The following CADM2 variants were observed in gnomAD, a reference collection of about 807,000 sequenced individuals.
CADM2 encodes the protein cell adhesion molecule 2.
CADM2 carries 12 observed loss-of-function variants against 49.8 expected under a neutral mutation model. That is an observed-to-expected ratio of 0.24 (90% CI 0.15 to 0.39). CADM2 has a LOEUF of 0.39. Among genes scored for constraint, CADM2 ranks in the 10% least tolerant of loss-of-function variants. CADM2 has a pLI of 1.00. For missense variants in CADM2, 378 were observed against 492.3 expected (o/e 0.77, Z 2.20); for synonymous variants, 214 against 175.4 (o/e 1.22, Z -1.74).
At chr3:85,491,269 G>A (rs1296458433) in intron 1 of CADM2, among the ~76,000 whole-genome samples, 2 of 152,140 alleles carry the variant, frequency 1.3e-5, no homozygotes, top group Middle Eastern at 3.2e-3. Context: ...TTATATGACA[G>A]CTGAGAGATA....
At chr3:85,985,699 C>A (rs993715493) in intron 8 of CADM2, among the ~76,000 whole-genome samples, 5 of 151,874 alleles carry the variant, frequency 3.3e-5, no homozygotes, top group Non-Finnish European at 7.4e-5. Flanking sequence ...TCACTATAAT[C>A]CTAAAACATT....
At chr3:85,020,794 G>C (rs917433530) in intron 1 of CADM2, among the ~76,000 whole-genome samples, 1 of 151,834 alleles carries the variant, frequency 6.6e-6, no homozygotes, top group Non-Finnish European at 1.5e-5. Context: ...GGGTGTGTGT[G>C]TGTGTGTGTC....
At chr3:85,346,296 T>C (rs912976822) in intron 1 of CADM2, among the ~76,000 whole-genome samples, 5 of 152,216 alleles carry the variant, frequency 3.3e-5, no homozygotes, top group African/African-American at 7.2e-5. Context: ...TAACTTCTTA[T>C]AGAAAATGAA....
chr3:85,834,209 G>GA (rs982652073), intron 3 of CADM2, among the ~76,000 whole-genome samples: 2 of 151,422 alleles, frequency 1.3e-5, no homozygotes, highest in African/African-American at 2.4e-5. Flanking sequence ...CTTAAAAAGA[G>GA]AAAAAAATTA....
intron 1 of CADM2, among the ~76,000 whole-genome samples, chr3:85,278,687 G>A (rs571639331): frequency 6.6e-4 from 98 of 148,178 alleles, no homozygotes; most frequent in Middle Eastern, 3.4e-3. Flanking sequence ...TTTCAGAGAC[G>A]GTGTATGAAA....
chr3:85,243,143 G>A (rs1233570179), intron 1 of CADM2, among the ~76,000 whole-genome samples: 1 of 151,638 alleles, frequency 6.6e-6, no homozygotes, highest in Non-Finnish European at 1.5e-5. Context: ...TGTATTAAAT[G>A]GAAAGTTTTC....
At chr3:85,991,645 T>C (rs1251548187) in intron 8 of CADM2, among the ~76,000 whole-genome samples, 2 of 152,088 alleles carry the variant, frequency 1.3e-5, no homozygotes, top group Admixed American at 6.5e-5. Flanking sequence ...TCTCCAACTC[T>C]AAAATTATTA....
At position 85,910,417 on chromosome 3, in the gene CADM2, T is replaced by C. The variant is rs541980482; in HGVS notation, c.530-1956T>C. On this transcript the variant is annotated intron_variant, in intron 5 of 9. Coordinates refer to ENST00000383699, the MANE Select transcript of CADM2 (RefSeq NM_001167675.2). ...AAAAGTGAAAGAACCTTATAATATT[T>C]TAAATATAAGCAAAGAATCATAAAT... is the stretch of plus-strand genomic sequence containing the variant. Among the ~76,000 whole-genome samples the C allele has an allele frequency of 2.0e-5, 3 of 152,222 alleles. No homozygotes were observed. In the South Asian group the frequency reaches 6.2e-4, roughly 32 times the overall value.
At chr3:85,206,575 G>A (rs924026786) in intron 1 of CADM2, among the ~76,000 whole-genome samples, 4 of 151,960 alleles carry the variant, frequency 2.6e-5, no homozygotes, top group Non-Finnish European at 5.9e-5. Context: ...CCAAAGTGCT[G>A]GGATTACAGG....
At chr3:85,267,064 CA>C (rs1271644446) in intron 1 of CADM2, among the ~76,000 whole-genome samples, 2 of 151,632 alleles carry the variant, frequency 1.3e-5, no homozygotes, top group Non-Finnish European at 2.9e-5. Context: ...TTATTTTTTC[CA>C]AAATGTTATG....
chr3:85,403,374 G>A (rs1485371441), intron 1 of CADM2, among the ~76,000 whole-genome samples: 1 of 152,006 alleles, frequency 6.6e-6, no homozygotes, highest in Non-Finnish European at 1.5e-5. Flanking sequence ...TTTCTCAAGG[G>A]CATTTCTTGC....
chr3:85,111,648 G>A (rs1027373362), intron 1 of CADM2, among the ~76,000 whole-genome samples: 2 of 124,960 alleles, frequency 1.6e-5, no homozygotes, highest in African/African-American at 8.7e-5. Flanking sequence ...GGAGATGGTT[G>A]ATGGGTACCA....
intron 1 of CADM2, among the ~76,000 whole-genome samples, chr3:85,439,970 T>A (rs76480738): frequency 0.057 from 8,753 of 152,274 alleles, 574 homozygotes; most frequent in African/African-American, 0.16. Flanking sequence ...AATACATTAT[T>A]TTTGGATTAT....
chr3:85,245,261 C>T (rs1356553118), intron 1 of CADM2, among the ~76,000 whole-genome samples: 1 of 152,002 alleles, frequency 6.6e-6, no homozygotes, highest in African/African-American at 2.4e-5. Flanking sequence ...GCCTGTAATC[C>T]CAGCACTTTG....
At chr3:85,152,185 A>C (rs2039944058) in intron 1 of CADM2, among the ~76,000 whole-genome samples, 2 of 152,052 alleles carry the variant, frequency 1.3e-5, no homozygotes, top group Admixed American at 1.3e-4. Flanking sequence ...GTGTAAACAT[A>C]TTTCATATAA....
At chr3:85,314,614 A>G (rs947345553) in intron 1 of CADM2, among the ~76,000 whole-genome samples, 1 of 152,152 alleles carries the variant, frequency 6.6e-6, no homozygotes, top group Non-Finnish European at 1.5e-5. Context: ...TTATATCTAT[A>G]TTTTATTAAT....
At chr3:85,889,571 T>C (rs1380442055) in intron 5 of CADM2, among the ~76,000 whole-genome samples, 1 of 152,242 alleles carries the variant, frequency 6.6e-6, no homozygotes, top group African/African-American at 2.4e-5. Flanking sequence ...CCTCTGTCTC[T>C]GAGCTTTCTT....
chr3:85,791,445 T>C (rs1159032873), intron 2 of CADM2, among the ~76,000 whole-genome samples: 2 of 151,590 alleles, frequency 1.3e-5, no homozygotes, highest in Non-Finnish European at 2.9e-5. Flanking sequence ...GATCTTGAAC[T>C]TTCTAAGACA....
At chr3:85,641,906 G>C (rs143924538) in intron 1 of CADM2, among the ~76,000 whole-genome samples, 1 of 152,012 alleles carries the variant, frequency 6.6e-6, no homozygotes, top group African/African-American at 2.4e-5. Flanking sequence ...ACTCCAGCCT[G>C]GGCAACAGAG....
Sources: gnomAD v4.1 joint callset for allele counts (sites outside exome capture counted in the v4.1 genomes callset) on GRCh38, gnomAD v4.1.1 for gene constraint, MANE v1.5 for transcripts, NCBI Gene and HGNC (gene_info 2026-07-23, HGNC 2026-07-21) for gene names.